Variants in MYH1 observed in about 807,000 individuals in gnomAD.
MYH1 encodes myosin heavy chain 1, also known as myosin-1.
A neutral mutation model predicts 225.6 loss-of-function variants in MYH1; 214 were observed. The observed-to-expected ratio is 0.95, with a 90% confidence interval of 0.85 to 1.06. The LOEUF is 1.06. Among genes scored for constraint, MYH1 ranks in the 50% least tolerant of loss-of-function variants. MYH1 has a pLI of 0.00. For missense variants in MYH1, 2,098 were observed against 2,344.2 expected (o/e 0.89, Z 2.17); for synonymous variants, 774 against 842.3 (o/e 0.92, Z 1.40).
At chr17:10,501,052 A>C in intron 27 of MYH1, 58 bp downstream of exon 27, 1 of 1,593,388 alleles carries the variant, frequency 6.3e-7, no homozygotes. Context: ...TACAAATCAT[A>C]TTTGTGCTAA....
At chr17:10,513,558 C>T in intron 9 of MYH1, 68 bp downstream of exon 9, 1 of 1,452,168 alleles carries the variant, frequency 6.9e-7, no homozygotes, top group Non-Finnish European at 9.7e-7. Context: ...TCAGCAGGAG[C>T]TGCAAAGTGT....
chr17:10,508,514 CAA>C lies in MYH1; in HGVS notation c.1744_1745del (p.Leu582AspfsTer16). ...AKGKPEAHFSLIHYAGTVDYN... is the reference protein window; with the variant it reads ...AKGKPEAHFSXIHYAGTVDYN... ...AGTCCACGGTGCCAGCATAGTGAAT[CAA>C]AGAGAAGTGGGCCTCAGGCTTGCCT... On this transcript the variant is annotated frameshift_variant, in exon 16 of 40. Transcript: ENST00000226207. LOFTEE classifies it high-confidence loss of function. The C allele has an allele frequency of 6.2e-7, 1 of 1,614,120 alleles. No homozygotes were observed. The highest frequency in any genetic ancestry group is 8.5e-7 in the Non-Finnish European group (1 of 1,180,030).
chr17:10,515,787 C>A, intron 5 of MYH1, 139 bp downstream of exon 5: 1 of 1,425,726 alleles, frequency 7.0e-7, no homozygotes, highest in Non-Finnish European at 9.5e-7. Context: ...ACAGTATATA[C>A]TTCTCTGTGC....
intron 6 of MYH1, 52 bp downstream of exon 6, chr17:10,514,816 A>T (rs1028723441): frequency 7.7e-6 from 12 of 1,558,274 alleles, no homozygotes; most frequent in African/African-American, 5.5e-5. Context: ...TTGGTTTGTC[A>T]TTTTTCCAGT....
At position 10,516,435 on chromosome 17, in the gene MYH1, T is replaced by A; in HGVS notation, c.204+4A>T. The A allele has an allele frequency of 6.2e-7, 1 of 1,614,228 alleles. No individual in the cohort carries two copies. Among genetic ancestry groups the A allele is most frequent in the Non-Finnish European group, 8.5e-7 (1 of 1,180,048 alleles). ...TCTAATCAGCTCCAGGTGTTTTTAC[T>A]CACAGCTCCAGCTTCGGTCTTAGCT... On this transcript the variant is annotated splice_donor_region_variant and intron_variant, in intron 3 of 39. Coordinates refer to ENST00000226207, the MANE Select transcript of MYH1 (RefSeq NM_005963.4).
At position 10,508,021 on chromosome 17, in the gene MYH1, T is replaced by TG. The variant is rs1486384917; in HGVS notation, c.1898-66_1898-65insC. ...CTGGTTATGGTTTTTTTTTTTTGTT[T>TG]TTTTTTGTTTTTTTTGACGAAGTTT... On this transcript the variant is annotated intron_variant, in intron 16 of 39. Coordinates refer to ENST00000226207, the MANE Select transcript of MYH1 (RefSeq NM_005963.4). 11 of 1,357,826 alleles carry TG rather than the reference T, an allele frequency of 8.1e-6. No homozygotes were observed. The East Asian group carries it at 1.4e-4, about 17-fold the overall frequency. 84.1% of individuals were successfully genotyped at this position (1,357,826 alleles called of 1,614,324 possible).
At position 10,512,737 on chromosome 17, in the gene MYH1, G is replaced by A. The variant is rs142720137; in HGVS notation, c.952C>T (p.Gln318Ter). The change falls in exon 11 of 40, where the codon CAA becomes TAA. Residue 318 changes from glutamine to a stop codon, truncating the protein, a stop_gained. Coordinates refer to ENST00000226207, the MANE Select transcript of MYH1 (RefSeq NM_005963.4). LOFTEE classifies it high-confidence loss of function. ...TNPYDYAFVSQGEITVPSIDD... is the reference protein window; with the variant it reads ...TNPYDYAFVS ...ATGCTGGGCACTGTGATCTCCCCTT[G>A]ACTGACGAAGGCATAATCGTATGGG... is the stretch of plus-strand genomic sequence containing the variant. 3.1e-6 allele frequency: 5 copies of A among 1,613,842 alleles called. No homozygotes were observed. The African/African-American group carries it at 6.7e-5, about 22-fold the overall frequency.
chr17:10,512,128 G>A lies in MYH1; in HGVS notation c.1212C>T (p.Tyr404=), dbSNP rs201741908. Residue 404 remains tyrosine, a synonymous_variant, in exon 13 of 40, where the codon TAC becomes TAT. Coordinates refer to ENST00000226207, the MANE Select transcript of MYH1 (RefSeq NM_005963.4). ...ACTCATTGCCGACCTTGACCCTAGG[G>A]TAGCAGAGGGCTTTGAGCAGATCTG... ...NSADLLKALC[Y]PRVKVGNEYV... is the part of the protein sequence containing the mutation. The A allele has an allele frequency of 5.2e-5, 84 of 1,614,192 alleles. 2 individuals carry two copies. The Middle Eastern group carries it at 1.5e-3, about 29-fold the overall frequency.
At chr17:10,500,491 A>G (rs2073040745) in intron 28 of MYH1, 135 bp downstream of exon 28, 1 of 1,313,742 alleles carries the variant, frequency 7.6e-7, no homozygotes, top group African/African-American at 1.5e-5. Flanking sequence ...CCAGTGGTCA[A>G]TAATGTGTTC....
intron 39 of MYH1, among the ~76,000 whole-genome samples, chr17:10,493,093 T>C (rs73974722): frequency 0.011 from 1,711 of 152,336 alleles, 33 homozygotes; most frequent in African/African-American, 0.039. Flanking sequence ...AGGTCAGTTC[T>C]AGTTTAGTCT....
chr17:10,505,617 G>A, intron 19 of MYH1, 106 bp from the exon 20 acceptor site: 2 of 1,428,906 alleles, frequency 1.4e-6, no homozygotes, highest in Non-Finnish European at 1.9e-6. Context: ...AAATAAACAA[G>A]AAATCATATC....
At chr17:10,496,912 A>G (rs2073001219) in intron 33 of MYH1, among the ~76,000 whole-genome samples, 157 bp downstream of exon 33, 1 of 152,138 alleles carries the variant, frequency 6.6e-6, no homozygotes, top group East Asian at 1.9e-4. Context: ...TTCCTGACAT[A>G]TGGTTATGTT....
chr17:10,511,848 C>G lies in MYH1; in HGVS notation c.1407G>C (p.Glu469Asp). 6.2e-7 allele frequency: 1 copy of G among 1,614,174 alleles called. No individual in the cohort carries two copies. The highest frequency in any genetic ancestry group is 1.7e-4 in the Middle Eastern group (1 of 6,058). ...FIGVLDIAGFEIFDFNSLEQL... is the reference protein window; with the variant it reads ...FIGVLDIAGFDIFDFNSLEQL... ...TTTTCTGCTAACTCACATCAAAGATCTCAAAGCCAGCAATGTCCAAGACCC... is the reference window on the plus strand; with the variant it reads ...TTTTCTGCTAACTCACATCAAAGATGTCAAAGCCAGCAATGTCCAAGACCC... Residue 469 changes from glutamate to aspartate, a missense_variant, in exon 14 of 40, where the codon GAG becomes GAC. Glu to Asp is a conservative substitution (Grantham distance 45). Transcript: ENST00000226207.
At position 10,504,902 on chromosome 17, in the gene MYH1, G is replaced by T; in HGVS notation, c.2599C>A (p.Leu867Met). The change falls in exon 22 of 40, where the codon CTG becomes ATG. Residue 867 changes from leucine (L) to methionine (M), a missense_variant. By Grantham distance (15) the Leu-to-Met change is conservative (BLOSUM62 2). Transcript: ENST00000226207. The part of the protein sequence containing the change: ...KEEFEKTKEE[L>M]AKTEAKRKEL... Reference sequence around the variant, plus strand: ...TTCCTTTTTGCCTCGGTCTTAGCCAGCTCTTCTTTGGTTTTCTCAAATTCT... The same window carrying T: ...TTCCTTTTTGCCTCGGTCTTAGCCATCTCTTCTTTGGTTTTCTCAAATTCT... The T allele has an allele frequency of 1.2e-6, 2 of 1,614,096 alleles. No individual in the cohort carries two copies. Among genetic ancestry groups the T allele is most frequent in the Middle Eastern group, 3.3e-4 (2 of 6,062 alleles).
chr17:10,502,925 G>A lies in MYH1; in HGVS notation c.2935-11C>T. The A allele has an allele frequency of 3.7e-6, 6 of 1,614,128 alleles. No individual in the cohort carries two copies. The highest frequency in any genetic ancestry group is 5.1e-6 in the Non-Finnish European group (6 of 1,180,040). On this transcript the variant is annotated splice_polypyrimidine_tract_variant and intron_variant, in intron 23 of 39. Coordinates refer to ENST00000226207, the MANE Select transcript of MYH1 (RefSeq NM_005963.4). ...TGTGAGGTTTTTCACCTACAAAGGTGAAGAAAGCAGCTTAGTTGCTCTAAA... is the reference window on the plus strand; with the variant it reads ...TGTGAGGTTTTTCACCTACAAAGGTAAAGAAAGCAGCTTAGTTGCTCTAAA...
At chr17:10,507,189 A>T (rs2073121329) in intron 17 of MYH1, among the ~76,000 whole-genome samples, 1 of 151,956 alleles carries the variant, frequency 6.6e-6, no homozygotes, top group Non-Finnish European at 1.5e-5. Flanking sequence ...CAGCCTCCTG[A>T]GTAGCTGGGA....
At chr17:10,495,853 G>T in intron 35 of MYH1, 97 bp downstream of exon 35, 2 of 1,397,484 alleles carry the variant, frequency 1.4e-6, no homozygotes, top group Non-Finnish European at 9.6e-7. Flanking sequence ...TATCCTTCAT[G>T]AAATCTTATA....
In MYH1 at chr17:10,512,560, T is replaced by A. The variant is rs766451172; in HGVS notation, c.1009-14A>T. The A allele has an allele frequency of 1.2e-6, 2 of 1,613,954 alleles. No homozygotes were observed. Among genetic ancestry groups the A allele is most frequent in the Non-Finnish European group, 8.5e-7 (1 of 1,179,976 alleles). On this transcript the variant is annotated splice_polypyrimidine_tract_variant and intron_variant, in intron 11 of 39. Transcript: ENST00000226207. ...TTCAATGGCACTCTACCATGAGAGATGAGAAGACAAAGATTAGGGCACAAG... is the reference window on the plus strand; with the variant it reads ...TTCAATGGCACTCTACCATGAGAGAAGAGAAGACAAAGATTAGGGCACAAG...
intron 15 of MYH1, 109 bp from the exon 16 acceptor site, chr17:10,508,781 A>C (rs2073142653): frequency 4.2e-6 from 6 of 1,441,674 alleles, no homozygotes; most frequent in Middle Eastern, 3.6e-4. Flanking sequence ...TTAATTCTAC[A>C]GAGTTAACGA....
Sources: gnomAD v4.1 joint callset for allele counts (sites outside exome capture counted in the v4.1 genomes callset) on GRCh38, gnomAD v4.1.1 for gene constraint, MANE v1.5 for transcripts, NCBI Gene and HGNC (gene_info 2026-07-23, HGNC 2026-07-21) for gene names.